Variants in ELP1 observed in about 807,000 individuals in gnomAD.
ELP1 encodes elongator acetyltransferase complex subunit 1.
Under a neutral mutation model 183.2 loss-of-function variants are expected in ELP1, and 131 were observed. The ratio of observed to expected loss-of-function variants is 0.72; its 90% CI spans 0.62 to 0.83. ELP1 has a LOEUF of 0.83. Among genes scored for constraint, ELP1 ranks in the 40% least tolerant of loss-of-function variants. The pLI, the probability that ELP1 is intolerant of heterozygous loss-of-function variation, is 0.00. For synonymous variants in ELP1, 555 were observed against 569.0 expected, an observed-to-expected ratio of 0.98 and a Z score of 0.35; for missense variants, 1,550 against 1,594.9, an observed-to-expected ratio of 0.97 and a Z score of 0.48.
intron 35 of ELP1, among the ~76,000 whole-genome samples, chr9:108,876,600 C>CTGG (rs1827716069): frequency 6.6e-6 from 1 of 152,144 alleles, no homozygotes; most frequent in South Asian, 2.1e-4. Flanking sequence ...GGTGCTGGGG[C>CTGG]TGGGCACCTG....
At chr9:108,918,933 C>A (rs1279816997) in intron 7 of ELP1, 32 bp from the exon 8 acceptor site, 1 of 1,464,652 alleles carries the variant, frequency 6.8e-7, no homozygotes, top group Non-Finnish European at 9.6e-7. Flanking sequence ...CACACATACA[C>A]ACTTAAAACA....
chr9:108,878,213 A>G (rs1217055667), intron 34 of ELP1, 64 bp from the exon 35 acceptor site: 1 of 1,457,880 alleles, frequency 6.9e-7, no homozygotes, highest in Non-Finnish European at 9.6e-7. Context: ...AGAATCATAC[A>G]TAGCTTCTAT....
Position 108,877,992 on chromosome 9 carries a change from T to TA in ELP1, c.3855+2dup, listed in dbSNP as rs1827764054. The TA allele has an allele frequency of 1.9e-6, 3 of 1,614,086 alleles. No individual in the cohort carries two copies. Among genetic ancestry groups the TA allele is most frequent in the African/African-American group, 1.3e-5 (1 of 74,934 alleles). On this transcript the variant is annotated splice_region_variant and intron_variant, in intron 35 of 36. Transcript: ENST00000374647. ...AATGCACACCGTCTCTGAGAAAACT[T>TA]ACCGGGGTAGCTGAATTCTGCTGGT...
At position 108,868,859 on chromosome 9, in the gene ELP1, T is replaced by C. The variant is rs1827330218; in HGVS notation, c.*256A>G. ...TAATTATGCTCTCAAACAGCCCAAG[T>C]GAAAGAACAATCATTCTCACAAAAT... is the stretch of plus-strand genomic sequence containing the variant. On this transcript the variant is annotated 3_prime_UTR_variant, in exon 37 of 37. Coordinates refer to ENST00000374647, the MANE Select transcript of ELP1 (RefSeq NM_003640.5). 5 of 601,382 alleles carry C rather than the reference T, an allele frequency of 8.3e-6. No homozygotes were observed. Among genetic ancestry groups the C allele is most frequent in the Non-Finnish European group, 1.5e-5 (5 of 337,784 alleles). The allele number at this position is 601,382 out of a possible 1,614,324, so 37.3% of individuals were successfully genotyped here. A position where few individuals can be genotyped will look rare whatever the true frequency, so the allele number is the denominator to read the frequency against.
intron 16 of ELP1, among the ~76,000 whole-genome samples, chr9:108,902,388 A>G (rs1257535620): frequency 6.6e-6 from 1 of 152,212 alleles, no homozygotes; most frequent in Admixed American, 6.5e-5. Context: ...AAAGGGAATC[A>G]TTACATTGAA....
intron 13 of ELP1, 87 bp from the exon 14 acceptor site, chr9:108,906,572 CTTGTATACAGTCCA>C: frequency 1.9e-6 from 2 of 1,056,790 alleles, no homozygotes; most frequent in Non-Finnish European, 2.9e-6. Context: ...ACTGAAGCAT[CTTGTATACAGTCCA>C]CTCCTAATTA....
At chr9:108,879,610 T>C in intron 32 of ELP1, 53 bp from the exon 33 acceptor site, 3 of 1,324,998 alleles carry the variant, frequency 2.3e-6, no homozygotes, top group Non-Finnish European at 3.3e-6. Context: ...AATGTGTGGG[T>C]TTACTTTCAG....
intron 13 of ELP1, among the ~76,000 whole-genome samples, chr9:108,907,254 T>C (rs1829055396): frequency 6.6e-6 from 1 of 152,316 alleles, no homozygotes; most frequent in East Asian, 1.9e-4. Context: ...TGAGTACTCA[T>C]GTCTTCTGTG....
At chr9:108,927,586 C>G in intron 3 of ELP1, 133 bp from the exon 4 acceptor site, 2 of 740,050 alleles carry the variant, frequency 2.7e-6, no homozygotes, top group Non-Finnish European at 4.9e-6. Context: ...TCTGCACTCT[C>G]ATGTTTGTTG....
Position 108,902,790 on chromosome 9 carries a change from G to T in ELP1, c.1854+49C>A, listed in dbSNP as rs569711850. On this transcript the variant is annotated intron_variant, in intron 16 of 36. Coordinates refer to ENST00000374647, the MANE Select transcript of ELP1 (RefSeq NM_003640.5). ...ACGCTCTTTCTACTTAATGCCATCA[G>T]TCCCTGGGTAACTACTTTAAGTAAA... 4 of 1,391,956 alleles carry T rather than the reference G, an allele frequency of 2.9e-6. No individual in the cohort carries two copies. The African/African-American group carries it at 4.3e-5, about 15-fold the overall frequency. 86.2% of individuals were successfully genotyped at this position (1,391,956 alleles called of 1,614,324 possible). A position where few individuals can be genotyped will look rare whatever the true frequency, so the allele number is the denominator to read the frequency against.
intron 34 of ELP1, 21 bp from the exon 35 acceptor site, chr9:108,878,170 A>C: frequency 6.3e-7 from 1 of 1,595,396 alleles, no homozygotes; most frequent in Non-Finnish European, 8.6e-7. Flanking sequence ...GAAATTTGAA[A>C]GAGTGGTAAG....
chr9:108,897,315 C>T, intron 22 of ELP1, 30 bp from the exon 23 acceptor site: 1 of 1,613,244 alleles, frequency 6.2e-7, no homozygotes, highest in South Asian at 1.1e-5. Flanking sequence ...GAATGGTCAT[C>T]AACAGAACAT....
chr9:108,900,988 G>T (rs949693385), intron 18 of ELP1, among the ~76,000 whole-genome samples: 2 of 151,474 alleles, frequency 1.3e-5, no homozygotes, highest in East Asian at 1.9e-4. Context: ...CACACACACA[G>T]AGATAGATAG....
chr9:108,903,238 C>A (rs1192034338), intron 15 of ELP1, among the ~76,000 whole-genome samples: 1 of 152,066 alleles, frequency 6.6e-6, no homozygotes, highest in Admixed American at 6.6e-5. Context: ...TCCCCCACCC[C>A]ACGACAGGCC....
In ELP1 at chr9:108,900,279, T is replaced by A; in HGVS notation, c.2111A>T (p.Asp704Val). 6.2e-7 allele frequency: 1 copy of A among 1,613,684 alleles called. No homozygotes were observed. The highest frequency in any genetic ancestry group is 8.5e-7 in the Non-Finnish European group (1 of 1,179,556). The stretch of plus-strand genomic sequence containing the variant: ...GCTTACCTGTAATACAAGCTTTGTG[T>A]CCTGGGGCACAACAGTGACAATCCG... ...GSRIVTVVPQ[D>V]TKLVLQMPRG... Residue 704 changes from aspartate (D) to valine (V), a missense_variant, in exon 19 of 37, where the codon GAC becomes GTC. Coordinates refer to ENST00000374647, the MANE Select transcript of ELP1 (RefSeq NM_003640.5).
rs756191423 is a variant in ELP1 at position 108,906,505 on chromosome 9, A to C, written c.1461-20T>G. On this transcript the variant is annotated intron_variant, in intron 13 of 36. Coordinates refer to ENST00000374647, the MANE Select transcript of ELP1 (RefSeq NM_003640.5). ...TGGATTCTATTGTAAATATTGAAGA[A>C]TATCCAAGACATGAATAAAACTTAA... The C allele has an allele frequency of 8.1e-6, 13 of 1,603,246 alleles. No individual in the cohort carries two copies. The highest frequency in any genetic ancestry group is 1.1e-5 in the Non-Finnish European group (13 of 1,170,124).
chr9:108,881,662 C>A (rs780561492), intron 31 of ELP1, 43 bp downstream of exon 31: 3 of 1,221,840 alleles, frequency 2.5e-6, no homozygotes, highest in Non-Finnish European at 3.6e-6. Context: ...TCTCTCCTCA[C>A]CTTCTTCCAA....
intron 12 of ELP1, among the ~76,000 whole-genome samples, chr9:108,910,698 T>C (rs1218065876): frequency 6.6e-6 from 1 of 152,068 alleles, no homozygotes; most frequent in Non-Finnish European, 1.5e-5. Flanking sequence ...GTGTAAAGGC[T>C]ATGAAAAGAG....
At chr9:108,918,400 G>A (rs1177692235) in intron 8 of ELP1, among the ~76,000 whole-genome samples, 2 of 152,058 alleles carry the variant, frequency 1.3e-5, no homozygotes, top group African/African-American at 4.8e-5. Flanking sequence ...GGAATTTTGT[G>A]CCAAGGAAGG....
Sources: allele counts gnomAD v4.1 joint callset (sites outside exome capture counted in the v4.1 genomes callset), GRCh38; gene constraint gnomAD v4.1.1; transcripts MANE v1.5; gene names NCBI Gene and HGNC (gene_info 2026-07-23, HGNC 2026-07-21).